The following UBE2G1 variants were observed in gnomAD, a reference collection of about 807,000 sequenced individuals.
The protein encoded by UBE2G1 is ubiquitin conjugating enzyme E2 G1.
Under a neutral mutation model 22.7 loss-of-function variants are expected in UBE2G1, and 5 were observed. That is an observed-to-expected ratio of 0.22 (90% CI 0.12 to 0.46). The LOEUF is 0.46. Ranked by LOEUF, UBE2G1 falls within the 20% of genes least tolerant of loss-of-function variation. The pLI, the probability that UBE2G1 is intolerant of heterozygous loss-of-function variation, is 0.99. For synonymous variants in UBE2G1, 74 were observed against 67.5 expected, an observed-to-expected ratio of 1.10 and a Z score of -0.47; for missense variants, 88 against 203.9, an observed-to-expected ratio of 0.43 and a Z score of 3.46.
intron 1 of UBE2G1, among the ~76,000 whole-genome samples, chr17:4,348,332 T>C (rs1438616573): frequency 1.3e-5 from 2 of 150,838 alleles, no homozygotes; most frequent in East Asian, 3.9e-4. Context: ...GGCGGGCGGA[T>C]CACGAGGTCA....
chr17:4,317,009 C>A (rs1716317825), intron 1 of UBE2G1, among the ~76,000 whole-genome samples: 1 of 151,134 alleles, frequency 6.6e-6, no homozygotes, highest in Non-Finnish European at 1.5e-5. Context: ...GAGGCCGAGG[C>A]AGGAGGATCG....
chr17:4,364,505 G>T (rs959240129), intron 1 of UBE2G1: 5 of 150,414 alleles, frequency 3.3e-5, no homozygotes, highest in African/African-American at 1.2e-4. Flanking sequence ...AGCCAGGATG[G>T]TCTCGATCTC....
intron 1 of UBE2G1, among the ~76,000 whole-genome samples, chr17:4,341,815 C>CT (rs1969716410): frequency 6.6e-6 from 1 of 152,152 alleles, no homozygotes; most frequent in Non-Finnish European, 1.5e-5. Context: ...TACCCAAACT[C>CT]TTTTTTGACA....
chr17:4,366,118 G>A (rs971749695), intron 1 of UBE2G1, among the ~76,000 whole-genome samples, 153 bp downstream of exon 1: 2 of 152,162 alleles, frequency 1.3e-5, no homozygotes, highest in Admixed American at 1.3e-4. Flanking sequence ...GAGAACGGCT[G>A]GGCCCGGCCG....
chr17:4,277,498 T>G (rs1968834243), intron 5 of UBE2G1, among the ~76,000 whole-genome samples: 1 of 152,190 alleles, frequency 6.6e-6, no homozygotes, highest in Non-Finnish European at 1.5e-5. Context: ...TTCCTCTCTA[T>G]TCTTCCTACC....
At chr17:4,284,868 A>G (rs1263052409) in intron 4 of UBE2G1, among the ~76,000 whole-genome samples, 3 of 110,664 alleles carry the variant, frequency 2.7e-5, no homozygotes, top group African/African-American at 1.1e-4. Flanking sequence ...TTTTGGAGAT[A>G]GGGTCTCACT....
At chr17:4,365,375 T>C (rs974125462) in intron 1 of UBE2G1, among the ~76,000 whole-genome samples, 4 of 152,168 alleles carry the variant, frequency 2.6e-5, no homozygotes, top group Non-Finnish European at 4.4e-5. Flanking sequence ...CACACAGTCC[T>C]AGCAGAGTAG....
At chr17:4,296,904 G>T in intron 2 of UBE2G1, 90 bp from the exon 3 acceptor site, 2 of 1,086,154 alleles carry the variant, frequency 1.8e-6, no homozygotes, top group Non-Finnish European at 2.7e-6. Context: ...AAGGGTGCTA[G>T]CACTAACATC....
At chr17:4,275,175 C>CT (rs1463451146) in intron 5 of UBE2G1, among the ~76,000 whole-genome samples, 1 of 152,168 alleles carries the variant, frequency 6.6e-6, no homozygotes, top group Admixed American at 6.5e-5. Context: ...CAGCATTACC[C>CT]TTTTCAGCAG....
chr17:4,316,538 T>C (rs963366893), intron 1 of UBE2G1, among the ~76,000 whole-genome samples: 3 of 152,154 alleles, frequency 2.0e-5, no homozygotes, highest in Non-Finnish European at 2.9e-5. Context: ...AAGTCAAGCA[T>C]AGCAATCACA....
chr17:4,290,566 G>A (rs990029940), intron 3 of UBE2G1, among the ~76,000 whole-genome samples: 2 of 151,932 alleles, frequency 1.3e-5, no homozygotes, highest in African/African-American at 4.8e-5. Flanking sequence ...TGACCTCCCA[G>A]GCTCAAACGA....
At position 4,278,940 on chromosome 17, in the gene UBE2G1, A is replaced by G. The variant is rs372147655; in HGVS notation, c.*37+3858T>C. ...GCATTTGATACATTTAATCACAAAA[A>G]TAAATTAAAATTAAGATAAACAAGC... is the stretch of plus-strand genomic sequence containing the variant. On this transcript the variant is annotated intron_variant, in intron 5 of 5. Transcript: ENST00000396981. Among the ~76,000 whole-genome samples the G allele has an allele frequency of 4.3e-4, 65 of 152,328 alleles. 1 individual carries two copies. The South Asian group carries it at 0.012, about 27-fold the overall frequency.
chr17:4,353,029 C>A (rs1426717803), intron 1 of UBE2G1, among the ~76,000 whole-genome samples: 1 of 152,058 alleles, frequency 6.6e-6, no homozygotes, highest in Non-Finnish European at 1.5e-5. Flanking sequence ...CCATCCTGGC[C>A]AACACAGTGA....
At chr17:4,328,890 T>C (rs528118718) in intron 1 of UBE2G1, among the ~76,000 whole-genome samples, 1 of 152,140 alleles carries the variant, frequency 6.6e-6, no homozygotes, top group East Asian at 1.9e-4. Context: ...ATCAAGACCA[T>C]CCTGGCTAAC....
intron 1 of UBE2G1, among the ~76,000 whole-genome samples, chr17:4,312,628 G>A (rs1004147683): frequency 1.7e-4 from 25 of 149,284 alleles, no homozygotes; most frequent in Non-Finnish European, 3.1e-4. Flanking sequence ...CCTGGGAGGC[G>A]GAGCTTGCAA....
intron 1 of UBE2G1, among the ~76,000 whole-genome samples, chr17:4,357,336 CT>C (rs1257414427): frequency 6.6e-6 from 1 of 151,760 alleles, no homozygotes; most frequent in African/African-American, 2.4e-5. Flanking sequence ...TGTTGTTAGA[CT>C]AACATAAATT....
chr17:4,360,857 A>G (rs944671427), intron 1 of UBE2G1, among the ~76,000 whole-genome samples: 1 of 152,106 alleles, frequency 6.6e-6, no homozygotes, highest in African/African-American at 2.4e-5. Context: ...GGTTGTGGTG[A>G]GCCTAGATCA....
At chr17:4,311,057 G>T (rs568533882) in intron 1 of UBE2G1, among the ~76,000 whole-genome samples, 37 of 151,730 alleles carry the variant, frequency 2.4e-4, no homozygotes, top group African/African-American at 8.7e-4. Context: ...CCAAAAAAAA[G>T]AAACAAAAGA....
chr17:4,297,079 A>G (rs1376527311), intron 2 of UBE2G1, among the ~76,000 whole-genome samples: 1 of 152,216 alleles, frequency 6.6e-6, no homozygotes, highest in Non-Finnish European at 1.5e-5. Flanking sequence ...ATCAGATCAT[A>G]TTACTGCTAT....
Sources: gnomAD v4.1 joint callset for allele counts (sites outside exome capture counted in the v4.1 genomes callset) on GRCh38, gnomAD v4.1.1 for gene constraint, MANE v1.5 for transcripts, NCBI Gene and HGNC (gene_info 2026-07-23, HGNC 2026-07-21) for gene names.